The following DMTF1 variants were observed in gnomAD, a reference collection of about 807,000 sequenced individuals.
The protein encoded by DMTF1 is cyclin D binding myb like transcription factor 1.
In DMTF1, 39 loss-of-function variants were observed where a neutral mutation model predicts 91.1. The ratio of observed to expected loss-of-function variants is 0.43; its 90% CI spans 0.33 to 0.56. The LOEUF is 0.56. DMTF1 is among the 20% of genes least tolerant of loss of function. The pLI is 0.05. For synonymous variants in DMTF1, 338 were observed against 309.5 expected, an observed-to-expected ratio of 1.09 and a Z score of -0.97; for missense variants, 750 against 914.5, an observed-to-expected ratio of 0.82 and a Z score of 2.32.
chr7:87,183,228 A>G (rs1797735096), intron 10 of DMTF1, among the ~76,000 whole-genome samples: 1 of 152,250 alleles, frequency 6.6e-6, no homozygotes, highest in African/African-American at 2.4e-5. Context: ...CAGTGAGAAC[A>G]TAACTTCTAC....
At chr7:87,156,451 T>C (rs968167745) in intron 1 of DMTF1, among the ~76,000 whole-genome samples, 5 of 152,158 alleles carry the variant, frequency 3.3e-5, no homozygotes, top group African/African-American at 1.2e-4. Flanking sequence ...ATTAATTAGG[T>C]ACCTTAATTG....
chr7:87,183,097 A>G (rs1037956833), intron 10 of DMTF1, among the ~76,000 whole-genome samples: 4 of 152,120 alleles, frequency 2.6e-5, no homozygotes, highest in Non-Finnish European at 5.9e-5. Context: ...TAAAAAAAAA[A>G]TTTCTGAAGT....
chr7:87,173,495 T>G, intron 5 of DMTF1, 40 bp from the exon 6 acceptor site: 1 of 1,382,360 alleles, frequency 7.2e-7, no homozygotes, highest in Non-Finnish European at 1.0e-6. Flanking sequence ...ATTTTTTTGT[T>G]TTGTTTTGTT....
chr7:87,154,676 T>G (rs1407288762), intron 1 of DMTF1: 1 of 152,478 alleles, frequency 6.6e-6, no homozygotes, highest in African/African-American at 2.4e-5. Context: ...GCGTTATGAC[T>G]TGAGCTTTGA....
At chr7:87,172,751 T>G (rs1034204020) in intron 5 of DMTF1, among the ~76,000 whole-genome samples, 1 of 152,248 alleles carries the variant, frequency 6.6e-6, no homozygotes, top group Non-Finnish European at 1.5e-5. Context: ...TGCCAGGTCT[T>G]CCTCATTTAC....
Position 87,193,370 on chromosome 7 carries a change from A to C in DMTF1, c.1650+17A>C. The C allele has an allele frequency of 1.2e-6, 2 of 1,612,502 alleles. No individual in the cohort carries two copies. Among genetic ancestry groups the C allele is most frequent in the Non-Finnish European group, 1.7e-6 (2 of 1,179,042 alleles). On this transcript the variant is annotated intron_variant, in intron 15 of 17. Transcript: ENST00000331242. ...GCTTTATCCGTATGTTACATAAATTACTTGATTTTTGAGTACCTGTTATAG... is the reference window on the plus strand; with the variant it reads ...GCTTTATCCGTATGTTACATAAATTCCTTGATTTTTGAGTACCTGTTATAG...
At chr7:87,167,947 A>G (rs1460695084) in intron 4 of DMTF1, among the ~76,000 whole-genome samples, 1 of 152,208 alleles carries the variant, frequency 6.6e-6, no homozygotes, top group Non-Finnish European at 1.5e-5. Flanking sequence ...TGTCTTGTTC[A>G]TGATTGTAGG....
intron 2 of DMTF1, 144 bp downstream of exon 2, chr7:87,163,761 A>T (rs964641378): frequency 1.3e-5 from 2 of 152,266 alleles, no homozygotes; most frequent in East Asian, 3.8e-4. Context: ...TAATTTGCAT[A>T]GTAAAATTTT....
chr7:87,184,926 A>T, intron 11 of DMTF1: 1 of 501,792 alleles, frequency 2.0e-6, no homozygotes, highest in Non-Finnish European at 3.9e-6. Flanking sequence ...TAGCTTTTCC[A>T]CTGTCCCACC....
chr7:87,176,454 G>GTTCA, intron 7 of DMTF1, among the ~76,000 whole-genome samples: 1 of 152,194 alleles, frequency 6.6e-6, no homozygotes, highest in East Asian at 1.9e-4. Context: ...TGAAGTAGAT[G>GTTCA]ATCTCAAGGA....
rs1371884861 is a variant in DMTF1 at position 87,166,435 on chromosome 7, T to C, written c.110-48T>C. The stretch of plus-strand genomic sequence containing the variant: ...GTAGAGCCATTGTTAGAGATTTTAT[T>C]TTCCCTCTTTGGTTTGAAATTTTTG... On this transcript the variant is annotated intron_variant, in intron 3 of 17. Transcript: ENST00000331242. 17 of 1,571,844 alleles carry C rather than the reference T, an allele frequency of 1.1e-5. No individual in the cohort carries two copies. The South Asian group carries it at 1.2e-4, about 11-fold the overall frequency.
At position 87,171,021 on chromosome 7, in the gene DMTF1, G is replaced by T. The variant is rs767803355; in HGVS notation, c.259G>T (p.Val87Leu). 1.2e-6 allele frequency: 2 copies of T among 1,612,366 alleles called. No homozygotes were observed. Among genetic ancestry groups the T allele is most frequent in the Non-Finnish European group, 1.7e-6 (2 of 1,178,644 alleles). ...TTCAGAAAATGATCAGAGCTTTGAA[G>T]TGACCATGACTGCAACCACAGAAGT... ...PLSENDQSFEVTMTATTEVAD... is the reference protein window; with the variant it reads ...PLSENDQSFELTMTATTEVAD... Residue 87 changes from valine (V) to leucine (L), a missense_variant, in exon 5 of 18, where the codon GTG becomes TTG. This residue lies in a region of DMTF1 where 150 missense variants were observed against 150.4 expected (regional missense o/e 1.00). Transcript: ENST00000331242.
At chr7:87,153,168 C>A (rs1039984146) in intron 1 of DMTF1, among the ~76,000 whole-genome samples, 2 of 151,882 alleles carry the variant, frequency 1.3e-5, no homozygotes, top group African/African-American at 4.8e-5. Flanking sequence ...CAGCCTTGCT[C>A]GGCGATTCAC....
chr7:87,181,280 A>G (rs1407134872), intron 8 of DMTF1, 29 bp from the exon 9 acceptor site: 2 of 1,098,982 alleles, frequency 1.8e-6, no homozygotes, highest in South Asian at 2.7e-5. Flanking sequence ...GTTTTAATTG[A>G]TTTTTTAAAA....
intron 4 of DMTF1, among the ~76,000 whole-genome samples, chr7:87,170,432 A>G (rs941579623): frequency 1.3e-5 from 2 of 152,218 alleles, no homozygotes; most frequent in South Asian, 4.1e-4. Flanking sequence ...GGCTTACACA[A>G]TCTCCTACTG....
intron 7 of DMTF1, among the ~76,000 whole-genome samples, chr7:87,174,999 C>CTTTG (rs1721463614): frequency 6.7e-6 from 1 of 150,146 alleles, no homozygotes; most frequent in East Asian, 1.9e-4. Flanking sequence ...AGGTATGCAT[C>CTTTG]TTTGTTTTGT....
At chr7:87,178,251 AC>A (rs1330311598) in intron 7 of DMTF1, among the ~76,000 whole-genome samples, 2 of 151,988 alleles carry the variant, frequency 1.3e-5, no homozygotes, top group African/African-American at 4.8e-5. Context: ...TGTTATGTAA[AC>A]TGTGTAGAAA....
chr7:87,177,921 A>G (rs538717501), intron 7 of DMTF1, among the ~76,000 whole-genome samples: 13 of 152,056 alleles, frequency 8.5e-5, no homozygotes, highest in Non-Finnish European at 1.5e-4. Context: ...AGAAATCCCA[A>G]TATCTGATGG....
At chr7:87,170,914 GT>G (rs553873662) in intron 4 of DMTF1, 80 bp from the exon 5 acceptor site, 16 of 904,206 alleles carry the variant, frequency 1.8e-5, no homozygotes, top group Admixed American at 1.1e-4. Context: ...AGATGATCAT[GT>G]TTTTTTTCCC....
Sources: allele counts gnomAD v4.1 joint callset (sites outside exome capture counted in the v4.1 genomes callset), GRCh38; gene constraint gnomAD v4.1.1; regional missense constraint gnomAD v4.1.1; transcripts MANE v1.5; gene names NCBI Gene and HGNC (gene_info 2026-07-23, HGNC 2026-07-21).